MAGI2: variants seen among roughly 807,000 people sequenced by gnomAD.
MAGI2 encodes membrane-associated guanylate kinase, WW and PDZ domain-containing protein 2.
A neutral mutation model predicts 133.3 loss-of-function variants in MAGI2; 35 were observed. The ratio of observed to expected loss-of-function variants is 0.26; its 90% confidence interval spans 0.20 to 0.35. MAGI2 has a LOEUF of 0.35. MAGI2 is among the 10% of genes least tolerant of loss of function. The probability of loss-of-function intolerance (pLI) is 1.00; values close to 1 mark genes in which losing one functional copy is unlikely to be tolerated. For synonymous variants in MAGI2, 729 were observed against 710.6 expected (o/e 1.03, Z -0.41); for missense variants, 1,636 against 1,863.4 (o/e 0.88, Z 2.25).
chr7:78,169,959 T>C (rs1251840283), intron 14 of MAGI2, among the ~76,000 whole-genome samples: 1 of 152,226 alleles, frequency 6.6e-6, no homozygotes, highest in African/African-American at 2.4e-5. Context: ...ATGGAGCACT[T>C]CAAAGATTTG....
chr7:78,210,372 G>T (rs1424950334), intron 10 of MAGI2, among the ~76,000 whole-genome samples: 3 of 152,136 alleles, frequency 2.0e-5, no homozygotes, highest in Admixed American at 2.0e-4. Context: ...CCGGAGATTT[G>T]CTGGGGATGG....
At chr7:78,531,316 C>T (rs918052768) in intron 3 of MAGI2, among the ~76,000 whole-genome samples, 2 of 150,814 alleles carry the variant, frequency 1.3e-5, no homozygotes, top group African/African-American at 2.4e-5. Flanking sequence ...TGGGTTCAAG[C>T]GATTCTCCTG....
At chr7:78,270,108 C>T (rs1794416379) in intron 9 of MAGI2, among the ~76,000 whole-genome samples, 1 of 152,138 alleles carries the variant, frequency 6.6e-6, no homozygotes, top group Admixed American at 6.5e-5. Flanking sequence ...GGCCTCTGTT[C>T]TGTTCCATTG....
At chr7:78,875,112 T>A (rs981861747) in intron 2 of MAGI2, among the ~76,000 whole-genome samples, 2 of 152,126 alleles carry the variant, frequency 1.3e-5, no homozygotes, top group African/African-American at 2.4e-5. Context: ...GAGTATGAAC[T>A]CTGTCCATAT....
intron 9 of MAGI2, among the ~76,000 whole-genome samples, chr7:78,257,283 A>G (rs1793085564): frequency 6.6e-6 from 1 of 152,228 alleles, no homozygotes; most frequent in Non-Finnish European, 1.5e-5. Flanking sequence ...ATGTAGGAAA[A>G]GTACTTGGCA....
chr7:78,163,780 G>A (rs193159760), intron 15 of MAGI2, among the ~76,000 whole-genome samples: 2,119 of 151,926 alleles, frequency 0.014, 18 homozygotes, highest in South Asian at 0.037. Flanking sequence ...GGTGGTGGTC[G>A]CCTGTAGTCC....
intron 21 of MAGI2, among the ~76,000 whole-genome samples, chr7:78,076,366 G>A (rs1815288777): frequency 6.7e-6 from 1 of 148,484 alleles, no homozygotes; most frequent in African/African-American, 2.5e-5. Flanking sequence ...GGCTGAGGCT[G>A]AAGAATCGCT....
intron 1 of MAGI2, among the ~76,000 whole-genome samples, chr7:79,335,141 T>C (rs1426929521): frequency 6.6e-6 from 1 of 152,156 alleles, no homozygotes; most frequent in East Asian, 1.9e-4. Context: ...GAGATCCCCC[T>C]CTAAAGCATG....
At chr7:79,345,137 C>T (rs547534356) in intron 1 of MAGI2, among the ~76,000 whole-genome samples, 1 of 151,794 alleles carries the variant, frequency 6.6e-6, no homozygotes, top group Non-Finnish European at 1.5e-5. Context: ...GAAACAGGAT[C>T]ACTGCAGATG....
chr7:78,311,724 T>C (rs904518708), intron 9 of MAGI2, among the ~76,000 whole-genome samples: 4 of 152,190 alleles, frequency 2.6e-5, no homozygotes, highest in African/African-American at 9.6e-5. Context: ...AGACTTTGTC[T>C]TTTTAATTAA....
At chr7:78,975,091 C>T (rs1224305423) in intron 2 of MAGI2, among the ~76,000 whole-genome samples, 2 of 151,522 alleles carry the variant, frequency 1.3e-5, no homozygotes, top group Non-Finnish European at 3.0e-5. Flanking sequence ...TTGGAGACTC[C>T]AAAATCCATC....
At chr7:78,368,454 T>C (rs1318131336) in intron 7 of MAGI2, among the ~76,000 whole-genome samples, 1 of 152,188 alleles carries the variant, frequency 6.6e-6, no homozygotes, top group African/African-American at 2.4e-5. Flanking sequence ...TTAGGAACAT[T>C]ATACGATAGA....
At chr7:78,345,152 G>C (rs1398794206) in intron 8 of MAGI2, among the ~76,000 whole-genome samples, 1 of 152,072 alleles carries the variant, frequency 6.6e-6, no homozygotes, top group Non-Finnish European at 1.5e-5. Flanking sequence ...AAAAACAGAG[G>C]TTCTTTAAAA....
intron 2 of MAGI2, among the ~76,000 whole-genome samples, chr7:78,741,865 A>G (rs1385290978): frequency 6.6e-6 from 1 of 152,106 alleles, no homozygotes; most frequent in African/African-American, 2.4e-5. Flanking sequence ...ACACAAAACT[A>G]TCATCCATAG....
intron 1 of MAGI2, among the ~76,000 whole-genome samples, chr7:79,345,755 T>G (rs1841266197): frequency 6.6e-6 from 1 of 152,116 alleles, no homozygotes; most frequent in Non-Finnish European, 1.5e-5. Flanking sequence ...GTTCTAAGGA[T>G]TCTGTGTGAT....
chr7:79,011,924 C>CCTTCCTTTCTTTCTTTCTTT lies in MAGI2; in HGVS notation c.302-4719_302-4718insAAAGAAAGAAAGAAAGGAAG, dbSNP rs1413880167. On this transcript the variant is annotated intron_variant, in intron 1 of 21. Coordinates refer to ENST00000354212, the MANE Select transcript of MAGI2 (RefSeq NM_012301.4). Reference sequence around the variant, plus strand: ...TCCTTCCTTCCTTCCTTCCTTCCTTCCTTTCTTTCTTTCTTTCTTTCTTTC... The same window carrying CCTTCCTTTCTTTCTTTCTTT: ...TCCTTCCTTCCTTCCTTCCTTCCTTCCTTCCTTTCTTTCTTTCTTTCTTTCTTTCTTTCTTTCTTTCTTTC... Among the ~76,000 whole-genome samples the CCTTCCTTTCTTTCTTTCTTT allele has an allele frequency of 2.6e-3, 321 of 121,260 alleles. 2 individuals are homozygous for CCTTCCTTTCTTTCTTTCTTT. The highest frequency in any genetic ancestry group is 0.013 in the East Asian group (51 of 4,068). 79.6% of individuals were successfully genotyped at this position (121,260 alleles called of 152,430 possible).
chr7:78,133,334 A>AAGAT (rs1821763940), intron 17 of MAGI2, among the ~76,000 whole-genome samples: 2 of 152,228 alleles, frequency 1.3e-5, no homozygotes, highest in Non-Finnish European at 2.9e-5. Context: ...TCATAAAACT[A>AAGAT]TGAAAAAAAT....
chr7:78,923,538 G>T lies in MAGI2; in HGVS notation c.418+83552C>A, dbSNP rs568824953. ...GCGTTATTTCTGAGGGCTCTGTTCT[G>T]TTCCATTGATCTATATCTCTGTTTT... On this transcript the variant is annotated intron_variant, in intron 2 of 21. Coordinates refer to ENST00000354212, the MANE Select transcript of MAGI2 (RefSeq NM_012301.4). 2.8e-4 allele frequency among the ~76,000 whole-genome samples: 42 copies of T among 152,220 alleles called. No homozygotes were observed. The South Asian group carries it at 8.7e-3, about 32-fold the overall frequency.
rs552089030 is a variant in MAGI2 at position 79,027,479 on chromosome 7, G to A, written c.302-20273C>T. ...AGAAAGACAAGTGCCACATGTTTTC[G>A]CTTGTATGTGAAATCTAAAACTACT... On this transcript the variant is annotated intron_variant, in intron 1 of 21. Transcript: ENST00000354212. Among the ~76,000 whole-genome samples the A allele has an allele frequency of 1.4e-4, 21 of 152,104 alleles. No homozygotes were observed. The South Asian group carries it at 1.7e-3, about 12-fold the overall frequency.
Sources: allele counts gnomAD v4.1 joint callset (sites outside exome capture counted in the v4.1 genomes callset), GRCh38; gene constraint gnomAD v4.1.1; transcripts MANE v1.5; gene names NCBI Gene and HGNC (gene_info 2026-07-23, HGNC 2026-07-21).